The following PPA2 variants were observed in gnomAD, a reference collection of about 807,000 sequenced individuals.
The protein encoded by PPA2 is inorganic pyrophosphatase 2, mitochondrial.
PPA2 carries 48 observed loss-of-function variants against 49.5 expected under a neutral mutation model. The observed-to-expected ratio is 0.97, with a 90% confidence interval of 0.77 to 1.23. The LOEUF (loss-of-function observed/expected upper bound fraction) is 1.23. Among genes scored for constraint, PPA2 ranks in the 50% most tolerant of loss-of-function variants. PPA2 has a pLI of 0.00. For synonymous variants in PPA2, 131 were observed against 139.9 expected (o/e 0.94, Z 0.45); for missense variants, 429 against 410.1 (o/e 1.05, Z -0.40).
At chr4:105,389,681 G>T (rs1733828770) in intron 9 of PPA2, among the ~76,000 whole-genome samples, 1 of 152,052 alleles carries the variant, frequency 6.6e-6, no homozygotes. Context: ...AGTGTTTTGT[G>T]AAGGGAAACC....
At chr4:105,402,539 C>T (rs72964265) in intron 7 of PPA2, among the ~76,000 whole-genome samples, 5,007 of 152,050 alleles carry the variant, frequency 0.033, 272 homozygotes, top group African/African-American at 0.11. Context: ...TTCAGGGAGA[C>T]AGTAAGAAAG....
chr4:105,453,555 C>T (rs1203931064), intron 3 of PPA2, 43 bp downstream of exon 3: 4 of 1,422,016 alleles, frequency 2.8e-6, no homozygotes, highest in Middle Eastern at 1.8e-4. Flanking sequence ...ATTTAACAGA[C>T]AATATAAAAG....
At chr4:105,465,051 CTTAGA>C (rs1723247120) in intron 1 of PPA2, among the ~76,000 whole-genome samples, 1 of 152,080 alleles carries the variant, frequency 6.6e-6, no homozygotes, top group Non-Finnish European at 1.5e-5. Flanking sequence ...AAAAATTTCT[CTTAGA>C]TAAGAAAAAC....
chr4:105,371,690 G>A (rs1269469009), intron 10 of PPA2, among the ~76,000 whole-genome samples: 2 of 152,144 alleles, frequency 1.3e-5, no homozygotes, highest in East Asian at 3.9e-4. Flanking sequence ...TAAGTCTGAG[G>A]CAGAGGTCCA....
chr4:105,409,970 A>G (rs1311797147), intron 7 of PPA2, among the ~76,000 whole-genome samples: 1 of 152,232 alleles, frequency 6.6e-6, no homozygotes, highest in Non-Finnish European at 1.5e-5. Context: ...ACAGAATAGA[A>G]AAGCTGAAAA....
intron 4 of PPA2, among the ~76,000 whole-genome samples, chr4:105,448,822 T>C (rs1291512862): frequency 6.6e-6 from 1 of 151,830 alleles, no homozygotes; most frequent in African/African-American, 2.4e-5. Flanking sequence ...AAAAAGAAAA[T>C]TAATATGTAT....
At chr4:105,440,039 G>T (rs571013491) in intron 5 of PPA2, among the ~76,000 whole-genome samples, 1 of 152,064 alleles carries the variant, frequency 6.6e-6, no homozygotes, top group South Asian at 2.1e-4. Flanking sequence ...ACAACCTACT[G>T]CAGAATCAGA....
intron 7 of PPA2, among the ~76,000 whole-genome samples, chr4:105,401,362 T>C (rs1311703954): frequency 1.3e-5 from 2 of 152,128 alleles, no homozygotes; most frequent in Non-Finnish European, 1.5e-5. Context: ...CTATACTGCA[T>C]AGTAACATTG....
intron 7 of PPA2, chr4:105,399,675 T>C (rs1176017542): frequency 1.3e-5 from 2 of 152,416 alleles, no homozygotes; most frequent in Non-Finnish European, 2.9e-5. Flanking sequence ...TTTTAGAATA[T>C]ACAAAGATGG....
chr4:105,369,621 G>T lies in PPA2; in HGVS notation c.*104C>A. The T allele has an allele frequency of 9.4e-7, 1 of 1,063,814 alleles. No homozygotes were observed. Among genetic ancestry groups the T allele is most frequent in the South Asian group, 1.4e-5 (1 of 72,690 alleles). The allele number at this position is 1,063,814 out of a possible 1,614,324, so 65.9% of individuals were successfully genotyped here. On this transcript the variant is annotated 3_prime_UTR_variant, in exon 12 of 12. Coordinates refer to ENST00000341695, the MANE Select transcript of PPA2 (RefSeq NM_176869.3). ...CATAGCTCAAAAAGTTTGAAAAAAT[G>T]AAGTTTTAACAGGAAGTCAGTAAAT...
At chr4:105,448,746 G>A (rs968112130) in intron 4 of PPA2, among the ~76,000 whole-genome samples, 1 of 151,650 alleles carries the variant, frequency 6.6e-6, no homozygotes, top group African/African-American at 2.4e-5. Flanking sequence ...TTCCATCTAT[G>A]AACCAAATAT....
intron 1 of PPA2, among the ~76,000 whole-genome samples, chr4:105,459,580 T>C (rs1723003598): frequency 6.6e-6 from 1 of 152,144 alleles, no homozygotes; most frequent in Non-Finnish European, 1.5e-5. Flanking sequence ...AACTGAGAAA[T>C]AAAAACATGT....
At chr4:105,380,243 G>GC (rs1733433684) in intron 10 of PPA2, among the ~76,000 whole-genome samples, 2 of 152,016 alleles carry the variant, frequency 1.3e-5, no homozygotes, top group Non-Finnish European at 2.9e-5. Flanking sequence ...ATATTTCAAG[G>GC]CATCTGTCAA....
At chr4:105,387,455 G>T (rs546750423) in intron 9 of PPA2, among the ~76,000 whole-genome samples, 1 of 152,226 alleles carries the variant, frequency 6.6e-6, no homozygotes, top group South Asian at 2.1e-4. Flanking sequence ...CCCTCAAGTG[G>T]ACCTAAGGAT....
Position 105,473,649 on chromosome 4 carries a change from C to G in PPA2, c.157+245G>C, listed in dbSNP as rs766213568. The G allele has an allele frequency of 4.0e-6, 3 of 746,922 alleles. No homozygotes were observed. In the South Asian group the frequency reaches 4.1e-5, roughly 10 times the overall value. The allele number at this position is 746,922 out of a possible 1,614,324, so 46.3% of individuals were successfully genotyped here. ...AGGGCACAGGGCGCTATCTACCCCC[C>G]AGCCGGCAGCCCTGCGCCTCTGCTC... is the stretch of plus-strand genomic sequence containing the variant. On this transcript the variant is annotated intron_variant, in intron 1 of 11. Coordinates refer to ENST00000341695, the MANE Select transcript of PPA2 (RefSeq NM_176869.3).
At chr4:105,370,995 A>C in intron 10 of PPA2, 122 bp from the exon 11 acceptor site, 3 of 909,714 alleles carry the variant, frequency 3.3e-6, no homozygotes, top group Non-Finnish European at 4.4e-6. Context: ...CTCTAACCTG[A>C]AAAAGGTAAA....
At chr4:105,430,517 A>G (rs1723747491) in intron 6 of PPA2, among the ~76,000 whole-genome samples, 1 of 152,230 alleles carries the variant, frequency 6.6e-6, no homozygotes, top group South Asian at 2.1e-4. Flanking sequence ...ACAGCATATA[A>G]GACCGAACAC....
At chr4:105,400,120 G>T (rs1438535897) in intron 7 of PPA2, among the ~76,000 whole-genome samples, 1 of 151,918 alleles carries the variant, frequency 6.6e-6, no homozygotes, top group Non-Finnish European at 1.5e-5. Flanking sequence ...AGTGGTGCTG[G>T]TAATTTTATT....
intron 3 of PPA2, among the ~76,000 whole-genome samples, chr4:105,452,536 G>C (rs2110310924): frequency 6.6e-6 from 1 of 152,334 alleles, no homozygotes; most frequent in East Asian, 1.9e-4. Context: ...AGTGGTTCCA[G>C]TGTAGATGGT....
Sources: allele counts gnomAD v4.1 joint callset (sites outside exome capture counted in the v4.1 genomes callset), GRCh38; gene constraint gnomAD v4.1.1; transcripts MANE v1.5; gene names NCBI Gene and HGNC (gene_info 2026-07-23, HGNC 2026-07-21).